Variants in XRRA1 observed in about 807,000 individuals in gnomAD.
XRRA1 encodes X-ray radiation resistance associated 1.
Under a neutral mutation model 80.2 loss-of-function variants are expected in XRRA1, and 69 were observed. The observed-to-expected ratio is 0.86, with a 90% CI of 0.71 to 1.05. The LOEUF is 1.05. Ranked by LOEUF, XRRA1 falls within the 50% of genes least tolerant of loss-of-function variation. The pLI is 0.00. For synonymous variants in XRRA1, 348 were observed against 389.9 expected, an observed-to-expected ratio of 0.89 and a Z score of 1.27; for missense variants, 967 against 976.4, an observed-to-expected ratio of 0.99 and a Z score of 0.13.
Position 74,842,683 on chromosome 11 carries a change from T to C in XRRA1, c.*517A>G, listed in dbSNP as rs1341578292. Reference sequence around the variant, plus strand: ...CATGTTCACATTCAACCATTCATGCTCCTAATGAAGGAACCAAGAAAGAGT... The same window carrying C: ...CATGTTCACATTCAACCATTCATGCCCCTAATGAAGGAACCAAGAAAGAGT... On this transcript the variant is annotated 3_prime_UTR_variant, in exon 19 of 19. Transcript: ENST00000684022. 1 of 153,998 alleles carries C rather than the reference T, an allele frequency of 6.5e-6. No homozygotes were observed. Among genetic ancestry groups the C allele is most frequent in the African/African-American group, 2.4e-5 (1 of 41,476 alleles). The allele number at this position is 153,998 out of a possible 1,614,324, so 9.5% of individuals were successfully genotyped here. A position where few individuals can be genotyped will look rare whatever the true frequency, so the allele number is the denominator to read the frequency against.
intron 10 of XRRA1, among the ~76,000 whole-genome samples, chr11:74,883,372 G>C (rs1040997325): frequency 6.6e-6 from 1 of 152,092 alleles, no homozygotes; most frequent in Non-Finnish European, 1.5e-5. Context: ...GCCTTGGCTC[G>C]CACACGGTGT....
At position 74,843,280 on chromosome 11, in the gene XRRA1, TCTCA is replaced by T. The variant is rs1304617174; in HGVS notation, c.2319_2322del (p.Ser773ArgfsTer57). 3 of 1,588,024 alleles carry T rather than the reference TCTCA, an allele frequency of 1.9e-6. No individual in the cohort carries two copies. Among genetic ancestry groups the T allele is most frequent in the Non-Finnish European group, 2.6e-6 (3 of 1,167,588 alleles). On this transcript the variant is annotated frameshift_variant, in exon 19 of 19. Transcript: ENST00000684022. LOFTEE classifies it high-confidence loss of function. ...AGGAAGTGGCCGAACTTGGGCTGGC[TCTCA>T]CTCAGCGCTGGGCAGGCCATGGGGA...
chr11:74,893,410 T>TGGGGGA (rs2051330318), intron 10 of XRRA1, among the ~76,000 whole-genome samples: 3 of 28,850 alleles, frequency 1.0e-4, no homozygotes, highest in Non-Finnish European at 2.0e-4. Context: ...TGTTGTGGGG[T>TGGGGGA]GGGGGAGGGG....
chr11:74,895,934 C>G (rs532090749), intron 10 of XRRA1, among the ~76,000 whole-genome samples: 1 of 152,338 alleles, frequency 6.6e-6, no homozygotes, highest in East Asian at 1.9e-4. Context: ...AAAAGGGAAC[C>G]TGCTGCTTTG....
rs370654102 is a variant in XRRA1 at position 74,894,347 on chromosome 11, A to T, written c.1003+11892T>A. On this transcript the variant is annotated intron_variant, in intron 10 of 18. Transcript: ENST00000684022. The stretch of plus-strand genomic sequence containing the variant: ...ACCTGGGTGATGAGATAATCTGTAC[A>T]TCAAACCCCCCATGACATGCAATTT... Among the ~76,000 whole-genome samples the T allele has an allele frequency of 1.1e-4, 17 of 152,334 alleles. No individual in the cohort carries two copies. In the East Asian group the frequency reaches 2.5e-3, roughly 22 times the overall value.
intron 8 of XRRA1, among the ~76,000 whole-genome samples, chr11:74,912,829 C>G (rs181282584): frequency 4.7e-4 from 72 of 152,284 alleles, no homozygotes; most frequent in Non-Finnish European, 8.1e-4. Context: ...TTCAAGTGCT[C>G]AAGAGCTCAA....
chr11:74,948,956 G>C lies in XRRA1; in HGVS notation c.-101C>G, dbSNP rs1438170674. The C allele has an allele frequency of 4.6e-6, 1 of 218,218 alleles. No homozygotes were observed. The highest frequency in any genetic ancestry group is 9.2e-6 in the Non-Finnish European group (1 of 108,152). 13.5% of individuals were successfully genotyped at this position (218,218 alleles called of 1,614,324 possible). A position where few individuals can be genotyped will look rare whatever the true frequency, so the allele number is the denominator to read the frequency against. On this transcript the variant is annotated 5_prime_UTR_variant, in exon 1 of 19. Coordinates refer to ENST00000684022, the MANE Select transcript of XRRA1 (RefSeq NM_001378157.1). Reference sequence around the variant, plus strand: ...CCTCCGGCGTCGCTTCAGCCTCCGAGGGGTCTGCGGAGGCGACGTCCCAGT... The same window carrying C: ...CCTCCGGCGTCGCTTCAGCCTCCGACGGGTCTGCGGAGGCGACGTCCCAGT...
At position 74,937,009 on chromosome 11, in the gene XRRA1, C is replaced by A; in HGVS notation, c.154G>T (p.Val52Phe). ...TCCCGACGTTCAGCTTGTGCTCCAA[C>A]CAAACCCTTGGGCTTCTTCTTGAGG... ...GNLKKKPKGL[V>F]GAQAERRESL... The change falls in exon 4 of 19, where the codon GTT becomes TTT. Residue 52 changes from valine to phenylalanine, a missense_variant. Physicochemically the swap from Val to Phe is conservative, Grantham distance 50 (BLOSUM62 -1). Coordinates refer to ENST00000684022, the MANE Select transcript of XRRA1 (RefSeq NM_001378157.1). 6 of 1,613,910 alleles carry A rather than the reference C, an allele frequency of 3.7e-6. No homozygotes were observed. The highest frequency in any genetic ancestry group is 5.1e-6 in the Non-Finnish European group (6 of 1,179,886).
intron 6 of XRRA1, among the ~76,000 whole-genome samples, chr11:74,927,829 AAC>A (rs1360210403): frequency 2.0e-5 from 3 of 152,188 alleles, no homozygotes; most frequent in African/African-American, 7.2e-5. Context: ...AACTAAGAAA[AAC>A]AGTCAAACAT....
At chr11:74,867,917 CTTTT>C (rs60520990) in intron 10 of XRRA1, among the ~76,000 whole-genome samples, 2 of 106,748 alleles carry the variant, frequency 1.9e-5, no homozygotes, top group Non-Finnish European at 3.6e-5. Context: ...TATAGTCAAT[CTTTT>C]TTTTTTTTTT....
intron 8 of XRRA1, among the ~76,000 whole-genome samples, chr11:74,911,759 A>G (rs892000973): frequency 3.3e-5 from 5 of 152,270 alleles, no homozygotes; most frequent in Admixed American, 2.6e-4. Flanking sequence ...AGAGAAAGGA[A>G]GCAGTATGCC....
intron 10 of XRRA1, among the ~76,000 whole-genome samples, chr11:74,881,709 A>AG (rs2047635428): frequency 6.6e-6 from 1 of 152,058 alleles, no homozygotes; most frequent in Non-Finnish European, 1.5e-5. Context: ...CCTGGTGGTG[A>AG]CAAAATCTCT....
At chr11:74,904,867 CAG>C (rs761415330) in intron 10 of XRRA1, among the ~76,000 whole-genome samples, 1 of 129,832 alleles carries the variant, frequency 7.7e-6, no homozygotes, top group Non-Finnish European at 1.6e-5. Context: ...AACCTAATAA[CAG>C]AGAACCAAAC....
At chr11:74,873,950 A>T (rs1212691040) in intron 10 of XRRA1, among the ~76,000 whole-genome samples, 3 of 151,938 alleles carry the variant, frequency 2.0e-5, no homozygotes, top group African/African-American at 7.3e-5. Context: ...CATAAAAAAA[A>T]CTCAAGGCCA....
chr11:74,906,436 T>C lies in XRRA1; in HGVS notation c.806A>G (p.Asp269Gly). 1 of 1,613,940 alleles carries C rather than the reference T, an allele frequency of 6.2e-7. No homozygotes were observed. Reference protein sequence around the residue: ...GLRRLKKLSLDENRIIRIPYL... With the variant: ...GLRRLKKLSLGENRIIRIPYL... ...TGGGATCCTGATAATCCTGTTTTCA[T>C]CCAAGCTTAACTTCTTCAGTCTTCA... Residue 269 changes from aspartate (D) to glycine (G), a missense_variant, in exon 10 of 19, where the codon GAT becomes GGT. Asp to Gly is a moderately conservative substitution (Grantham distance 94, BLOSUM62 -1). Coordinates refer to ENST00000684022, the MANE Select transcript of XRRA1 (RefSeq NM_001378157.1).
At chr11:74,876,996 G>A (rs892190433) in intron 10 of XRRA1, 3 of 152,098 alleles carry the variant, frequency 2.0e-5, no homozygotes, top group Admixed American at 2.0e-4. Context: ...AATTTAAGAT[G>A]GAAATTATCT....
intron 10 of XRRA1, among the ~76,000 whole-genome samples, chr11:74,882,801 G>C (rs1185391663): frequency 6.6e-6 from 1 of 152,196 alleles, no homozygotes; most frequent in Non-Finnish European, 1.5e-5. Flanking sequence ...TGCTGGGGGG[G>C]TGCCTCCCAG....
At chr11:74,903,561 G>A (rs139030606) in intron 10 of XRRA1, among the ~76,000 whole-genome samples, 14 of 152,136 alleles carry the variant, frequency 9.2e-5, no homozygotes, top group African/African-American at 3.4e-4. Flanking sequence ...AAATTAGCCG[G>A]GCATGGTGGC....
At chr11:74,853,902 G>A (rs1283714614) in intron 12 of XRRA1, among the ~76,000 whole-genome samples, 1 of 152,108 alleles carries the variant, frequency 6.6e-6, no homozygotes, top group African/African-American at 2.4e-5. Context: ...GGTGGTTTAA[G>A]ATTTGGGTCC....
Sources: gnomAD v4.1 joint callset for allele counts (sites outside exome capture counted in the v4.1 genomes callset) on GRCh38, gnomAD v4.1.1 for gene constraint, MANE v1.5 for transcripts, NCBI Gene and HGNC (gene_info 2026-07-23, HGNC 2026-07-21) for gene names.